The following SUN1 variants were observed in gnomAD, a reference collection of about 807,000 sequenced individuals.
SUN1 encodes Sad1 and UNC84 domain containing 1, also known as SUN domain-containing protein 1.
Under a neutral mutation model 103.2 loss-of-function variants are expected in SUN1, and 61 were observed. The ratio of observed to expected loss-of-function variants is 0.59; its 90% confidence interval spans 0.48 to 0.73. The LOEUF (loss-of-function observed/expected upper bound fraction) is 0.73, where lower values mean the gene tolerates loss of function less well. Among genes scored for constraint, SUN1 ranks in the 30% least tolerant of loss-of-function variants. The pLI, the probability that SUN1 is intolerant of heterozygous loss-of-function variation, is 0.00. For synonymous variants in SUN1, 490 were observed against 425.7 expected (o/e 1.15, Z -1.86); for missense variants, 1,052 against 1,034.6 (o/e 1.02, Z -0.23).
intron 5 of SUN1, chr7:849,727 C>T (rs187482439): frequency 2.7e-4 from 318 of 1,179,942 alleles, no homozygotes; most frequent in Non-Finnish European, 3.6e-4. Flanking sequence ...CTGATGACGA[C>T]GGGCTGTTGG....
Position 873,386 on chromosome 7 carries a change from A to C in SUN1, c.*55A>C. The stretch of plus-strand genomic sequence containing the variant: ...TGTATATACTGGGACAGCGTGAAAC[A>C]CTGGAATCCTTCATGGACGAGGGCA... On this transcript the variant is annotated 3_prime_UTR_variant, in exon 19 of 19. Coordinates refer to ENST00000401592, the MANE Select transcript of SUN1 (RefSeq NM_001130965.3). 1 of 1,463,024 alleles carries C rather than the reference A, an allele frequency of 6.8e-7. No homozygotes were observed. 90.6% of individuals were successfully genotyped at this position (1,463,024 alleles called of 1,614,324 possible).
At chr7:865,222 C>T (rs1324124509) in intron 15 of SUN1, among the ~76,000 whole-genome samples, 1 of 152,120 alleles carries the variant, frequency 6.6e-6, no homozygotes, top group Non-Finnish European at 1.5e-5. Context: ...ATTCTCCTGC[C>T]TCAGCCTCCC....
upstream of SUN1, chr7:816,337 GGCCTTTCCCCCGAAT>G (rs1438948920): frequency 4.8e-6 from 1 of 207,864 alleles, no homozygotes; most frequent in African/African-American, 2.8e-5. Context: ...CTCAGATGCA[GGCCTTTCCCCCGAAT>G]GCAGTCCCCC....
At chr7:836,922 G>A (rs1803814880) in intron 1 of SUN1, among the ~76,000 whole-genome samples, 1 of 152,252 alleles carries the variant, frequency 6.6e-6, no homozygotes, top group Non-Finnish European at 1.5e-5. Context: ...GAGCTGGAGG[G>A]AAGGAGGTGG....
At chr7:825,688 A>G (rs1791073805) in intron 1 of SUN1, among the ~76,000 whole-genome samples, 1 of 152,202 alleles carries the variant, frequency 6.6e-6, no homozygotes, top group African/African-American at 2.4e-5. Context: ...TCTTCCTCTA[A>G]ATGAAATTGG....
chr7:841,913 A>T, intron 2 of SUN1, 33 bp from the exon 3 acceptor site: 1 of 1,606,736 alleles, frequency 6.2e-7, no homozygotes, highest in Non-Finnish European at 8.5e-7. Context: ...GCTAGAAAAG[A>T]TCTATAAACT....
chr7:871,730 C>T (rs944239232), intron 17 of SUN1, among the ~76,000 whole-genome samples: 1 of 152,248 alleles, frequency 6.6e-6, no homozygotes, highest in Admixed American at 6.5e-5. Flanking sequence ...GCAGTAGTTA[C>T]ATCTACTCAC....
upstream of SUN1, among the ~76,000 whole-genome samples, chr7:829,791 T>C (rs1217633009): frequency 6.6e-6 from 1 of 152,140 alleles, no homozygotes; most frequent in Non-Finnish European, 1.5e-5. Context: ...CTCGACCTCA[T>C]GATCTGCCCT....
At chr7:826,709 T>C (rs1161532856) in intron 1 of SUN1, among the ~76,000 whole-genome samples, 2 of 152,190 alleles carry the variant, frequency 1.3e-5, no homozygotes, top group Non-Finnish European at 2.9e-5. Context: ...CGGTTTCTGA[T>C]GGGAACGCTG....
At chr7:862,438 C>G (rs754213469) in intron 15 of SUN1, among the ~76,000 whole-genome samples, 2 of 152,192 alleles carry the variant, frequency 1.3e-5, no homozygotes, top group Non-Finnish European at 2.9e-5. Context: ...TGGCTGCAGA[C>G]TGAAGTCGTG....
At chr7:860,097 G>T in intron 13 of SUN1, 31 bp from the exon 14 acceptor site, 1 of 1,609,420 alleles carries the variant, frequency 6.2e-7, no homozygotes, top group South Asian at 1.1e-5. Context: ...AGTTAAAATA[G>T]GACATTTGTG....
chr7:842,934 T>C, intron 3 of SUN1: 1 of 579,292 alleles, frequency 1.7e-6, no homozygotes. Context: ...TGGGCTTTCC[T>C]CTCCTTCCCT....
chr7:856,142 C>T (rs1452711152), intron 11 of SUN1, among the ~76,000 whole-genome samples: 4 of 152,176 alleles, frequency 2.6e-5, no homozygotes, highest in East Asian at 1.9e-4. Context: ...CCCGCCAGGC[C>T]GTTCTCATGT....
At chr7:820,963 C>T (rs1427126719) in intron 1 of SUN1, among the ~76,000 whole-genome samples, 1 of 152,054 alleles carries the variant, frequency 6.6e-6, no homozygotes, top group African/African-American at 2.4e-5. Context: ...CTTCCATGTT[C>T]TCCATTGCAT....
intron 5 of SUN1, chr7:848,660 C>G (rs544358963): frequency 7.9e-7 from 1 of 1,268,526 alleles, no homozygotes; most frequent in African/African-American, 1.6e-5. Context: ...ATCACACTTT[C>G]GCAGTGGAGA....
chr7:847,905 C>T (rs1285562005), intron 5 of SUN1, among the ~76,000 whole-genome samples: 1 of 151,298 alleles, frequency 6.6e-6, no homozygotes, highest in African/African-American at 2.4e-5. Context: ...TCCGGGATCC[C>T]CTGGGGGTTA....
chr7:867,493 G>A (rs1451820705), intron 16 of SUN1, among the ~76,000 whole-genome samples: 1 of 152,356 alleles, frequency 6.6e-6, no homozygotes, highest in East Asian at 1.9e-4. Flanking sequence ...GGCCTGCAGT[G>A]TTGTCAGTGT....
At chr7:829,562 T>G (rs914284993), upstream of SUN1, among the ~76,000 whole-genome samples, 19 of 150,238 alleles carry the variant, frequency 1.3e-4, no homozygotes, top group Admixed American at 4.0e-4. Flanking sequence ...TTTTTTTTGT[T>G]TTTTTTTTTT....
intron 6 of SUN1, 151 bp downstream of exon 6, chr7:851,633 A>G (rs1363571660): frequency 1.7e-5 from 13 of 743,642 alleles, no homozygotes; most frequent in Non-Finnish European, 2.9e-5. Flanking sequence ...TGACGTAGCA[A>G]TGTTAACTGA....
Sources: allele counts gnomAD v4.1 joint callset (sites outside exome capture counted in the v4.1 genomes callset), GRCh38; gene constraint gnomAD v4.1.1; transcripts MANE v1.5; gene names NCBI Gene and HGNC (gene_info 2026-07-23, HGNC 2026-07-21).